ATP8A2: variants seen among roughly 807,000 people sequenced by gnomAD.
ATP8A2 encodes the protein phospholipid-transporting ATPase IB.
In ATP8A2, 100 loss-of-function variants were observed where a neutral mutation model predicts 165.6. The ratio of observed to expected loss-of-function variants is 0.60; its 90% confidence interval spans 0.51 to 0.71. The LOEUF is 0.71. ATP8A2 is among the 30% of genes least tolerant of loss of function. The pLI is 0.00. For synonymous variants in ATP8A2, 543 were observed against 548.8 expected (o/e 0.99, Z 0.15); for missense variants, 1,227 against 1,479.5 (o/e 0.83, Z 2.80).
In ATP8A2 at chr13:25,530,105, G is replaced by T. The variant is rs750404774; in HGVS notation, c.321+7G>T. 1 of 1,530,628 alleles carries T rather than the reference G, an allele frequency of 6.5e-7. No homozygotes were observed. The highest frequency in any genetic ancestry group is 9.0e-7 in the Non-Finnish European group (1 of 1,108,550). 94.8% of individuals were successfully genotyped at this position (1,530,628 alleles called of 1,614,324 possible). A position where few individuals can be genotyped will look rare whatever the true frequency, so the allele number is the denominator to read the frequency against. ...CTTCATTGCCTTATTACAGGTAATG[G>T]TTTTTTAACAGTTCCTTGGAATTCA... On this transcript the variant is annotated splice_region_variant and intron_variant, in intron 3 of 36. Transcript: ENST00000381655.
At chr13:25,516,024 A>T (rs541924540) in intron 2 of ATP8A2, among the ~76,000 whole-genome samples, 3 of 152,228 alleles carry the variant, frequency 2.0e-5, no homozygotes, top group African/African-American at 7.2e-5. Context: ...AGAATAATAT[A>T]GCTTGCCCCA....
intron 34 of ATP8A2, among the ~76,000 whole-genome samples, chr13:25,962,341 A>C (rs1417569362): frequency 1.3e-5 from 2 of 152,234 alleles, no homozygotes; most frequent in African/African-American, 4.8e-5. Context: ...TACTTTCAGT[A>C]AAATTCTTCT....
intron 30 of ATP8A2, among the ~76,000 whole-genome samples, chr13:25,848,039 G>A (rs1951911195): frequency 6.6e-6 from 1 of 152,194 alleles, no homozygotes; most frequent in Non-Finnish European, 1.5e-5. Context: ...TGCCTCACCT[G>A]TTCCTCCCTG....
At chr13:25,914,501 G>T (rs1954210652) in intron 33 of ATP8A2, among the ~76,000 whole-genome samples, 1 of 152,132 alleles carries the variant, frequency 6.6e-6, no homozygotes, top group African/African-American at 2.4e-5. Flanking sequence ...GTGGAATGTG[G>T]AAGGTTTTTT....
At position 25,414,794 on chromosome 13, in the gene ATP8A2, G is replaced by T. The variant is rs576334159; in HGVS notation, c.76+42506G>T. Among the ~76,000 whole-genome samples, 11 of 152,318 alleles carry T rather than the reference G, an allele frequency of 7.2e-5. No individual in the cohort carries two copies. The East Asian group carries it at 2.1e-3, about 29-fold the overall frequency. ...CCCAAGTTGTGGTTAATTACCTAGT[G>T]TATACTTCATTCTGAGAGAATTGCC... On this transcript the variant is annotated intron_variant, in intron 1 of 36. Coordinates refer to ENST00000381655, the MANE Select transcript of ATP8A2 (RefSeq NM_016529.6).
intron 30 of ATP8A2, among the ~76,000 whole-genome samples, chr13:25,844,024 T>C (rs1015950202): frequency 1.2e-4 from 19 of 152,160 alleles, no homozygotes; most frequent in African/African-American, 4.6e-4. Context: ...GGCAAGAGTA[T>C]GCCAGGACCA....
intron 1 of ATP8A2, among the ~76,000 whole-genome samples, chr13:25,458,477 G>A (rs533798833): frequency 1.1e-4 from 17 of 152,316 alleles, no homozygotes; most frequent in African/African-American, 3.6e-4. Flanking sequence ...AGCGTCCTGA[G>A]TAGCCGGAAT....
In ATP8A2 at chr13:25,372,330, CG is replaced by C; in HGVS notation, c.76+47del. 2 of 588,582 alleles carry C rather than the reference CG, an allele frequency of 3.4e-6. No individual in the cohort carries two copies. Among genetic ancestry groups the C allele is most frequent in the Non-Finnish European group, 5.8e-6 (2 of 344,824 alleles). The allele number at this position is 588,582 out of a possible 1,614,324, so 36.5% of individuals were successfully genotyped here. ...GCGGCGAGGGAGGGTGGGCCCGGGGCGGGGGCGGCGCGGGGCGCGCCTGCGG... is the reference window on the plus strand; with the variant it reads ...GCGGCGAGGGAGGGTGGGCCCGGGGCGGGGCGGCGCGGGGCGCGCCTGCGG... On this transcript the variant is annotated intron_variant, in intron 1 of 36. Transcript: ENST00000381655. This position sits in a 1 kb window ranked among gnomAD's most constrained non-coding sequence, Gnocchi z 4.8.
chr13:25,596,552 C>G (rs1319124901), intron 24 of ATP8A2, among the ~76,000 whole-genome samples: 1 of 152,162 alleles, frequency 6.6e-6, no homozygotes, highest in Non-Finnish European at 1.5e-5. Context: ...TTCTTTCATT[C>G]AACACAATTA....
At chr13:25,485,479 C>T (rs146433462) in intron 2 of ATP8A2, among the ~76,000 whole-genome samples, 156 of 152,378 alleles carry the variant, frequency 1.0e-3, no homozygotes, top group African/African-American at 3.6e-3. Flanking sequence ...CACATAGGCA[C>T]ATGCCATATC....
At chr13:25,755,908 A>G (rs1171133131) in intron 25 of ATP8A2, among the ~76,000 whole-genome samples, 1 of 143,936 alleles carries the variant, frequency 6.9e-6, no homozygotes, top group Non-Finnish European at 1.5e-5. Flanking sequence ...ACTCCGTCTC[A>G]AAAAAAAACC....
intron 2 of ATP8A2, among the ~76,000 whole-genome samples, chr13:25,516,941 C>T (rs1305369227): frequency 2.6e-5 from 4 of 151,766 alleles, no homozygotes; most frequent in Admixed American, 6.6e-5. Flanking sequence ...CCACCAAGCT[C>T]GGCTAATTTT....
chr13:25,833,839 T>A (rs77714215), intron 28 of ATP8A2, among the ~76,000 whole-genome samples: 2,005 of 152,298 alleles, frequency 0.013, 46 homozygotes, highest in African/African-American at 0.046. Flanking sequence ...AAAGCTTTTA[T>A]ATGGCAAAAG....
At chr13:25,646,632 G>A (rs373079901) in intron 24 of ATP8A2, among the ~76,000 whole-genome samples, 3 of 115,976 alleles carry the variant, frequency 2.6e-5, no homozygotes, top group African/African-American at 1.0e-4. Context: ...TCCAGCCTGG[G>A]CAACAGAGTG....
chr13:25,606,240 T>C (rs896977082), intron 24 of ATP8A2, among the ~76,000 whole-genome samples: 3 of 152,202 alleles, frequency 2.0e-5, no homozygotes, highest in Non-Finnish European at 4.4e-5. Context: ...TCCATTTACA[T>C]AGCTGTCTCC....
intron 1 of ATP8A2, among the ~76,000 whole-genome samples, chr13:25,458,259 C>T (rs1414145096): frequency 6.6e-6 from 1 of 152,192 alleles, no homozygotes; most frequent in East Asian, 1.9e-4. Flanking sequence ...CTTTGTAATA[C>T]ATACAATACT....
intron 15 of ATP8A2, among the ~76,000 whole-genome samples, chr13:25,562,340 A>ATT (rs2039182136): frequency 6.6e-6 from 1 of 152,144 alleles, no homozygotes; most frequent in African/African-American, 2.4e-5. Flanking sequence ...ATGAAGTGGT[A>ATT]CCTTATCATA....
intron 25 of ATP8A2, among the ~76,000 whole-genome samples, chr13:25,732,937 A>C (rs2043683889): frequency 6.6e-6 from 1 of 152,210 alleles, no homozygotes. Context: ...GTTTCCACCC[A>C]AAATGTAGAA....
chr13:25,426,548 G>A (rs1555268840), intron 1 of ATP8A2, among the ~76,000 whole-genome samples: 1 of 152,170 alleles, frequency 6.6e-6, no homozygotes, highest in Non-Finnish European at 1.5e-5. Context: ...GAACTACTCT[G>A]TGTGATACCA....
Sources: allele counts gnomAD v4.1 joint callset (sites outside exome capture counted in the v4.1 genomes callset), GRCh38; gene constraint gnomAD v4.1.1; non-coding constraint Gnocchi (gnomAD v3.1); transcripts MANE v1.5; gene names NCBI Gene and HGNC (gene_info 2026-07-23, HGNC 2026-07-21).